The following TMEM43 variants were observed in gnomAD, a reference collection of about 807,000 sequenced individuals.
TMEM43 encodes the protein arrhythmogenic right ventricular dysplasia 5.
In TMEM43, 45 loss-of-function variants were observed where a neutral mutation model predicts 49.6. The observed-to-expected ratio is 0.91, with a 90% CI of 0.71 to 1.16. The LOEUF (loss-of-function observed/expected upper bound fraction) is 1.16. TMEM43 is among the 50% of genes most tolerant of loss of function. The probability of loss-of-function intolerance (pLI) is 0.00; values close to 1 mark genes in which losing one functional copy is unlikely to be tolerated. For missense variants in TMEM43, 532 were observed against 516.6 expected (o/e 1.03, Z -0.29); for synonymous variants, 199 against 207.8 (o/e 0.96, Z 0.36).
Position 14,134,785 on chromosome 3 carries a change from T to C in TMEM43, c.599T>C (p.Val200Ala), listed in dbSNP as rs2124990795. 3 of 1,614,104 alleles carry C rather than the reference T, an allele frequency of 1.9e-6. No individual in the cohort carries two copies. The highest frequency in any genetic ancestry group is 2.5e-6 in the Non-Finnish European group (3 of 1,179,986). Reference sequence around the variant, plus strand: ...GTCCCCTCAGGCCTCATCGACAAAGTCGACAACTTCAAGTCCCTGAGCCTA... The same window carrying C: ...GTCCCCTCAGGCCTCATCGACAAAGCCGACAACTTCAAGTCCCTGAGCCTA... ...FFLSSGLIDK[V>A]DNFKSLSLSK... The change falls in exon 8 of 12, where the codon GTC becomes GCC. Residue 200 changes from valine (V) to alanine (A), a missense_variant. Transcript: ENST00000306077.
Position 14,135,750 on chromosome 3 carries a change from C to T in TMEM43, c.781-57C>T, listed in dbSNP as rs1010198573. 92 of 1,493,736 alleles carry T rather than the reference C, an allele frequency of 6.2e-5. 1 individual carries two copies. The African/African-American group carries it at 1.2e-3, about 19-fold the overall frequency. The allele number at this position is 1,493,736 out of a possible 1,614,324, so 92.5% of individuals were successfully genotyped here. ...TCCCGGGAGGGTGGGCCATGGCTCT[C>T]GTGGGCGTGTCTCCCGCTGGTCACC... On this transcript the variant is annotated intron_variant, in intron 9 of 11. Transcript: ENST00000306077.
rs36083134 is a variant in TMEM43 at position 14,141,688 on chromosome 3, G to A, written c.1096G>A (p.Ala366Thr). 1,678 of 1,614,190 alleles carry A rather than the reference G, an allele frequency of 1.0e-3. 19 individuals are homozygous for A. In the African/African-American group the frequency reaches 0.019, roughly 18 times the overall value. ...ATSLTLLTVAAGWLFYRPLWA... is the reference protein window; with the variant it reads ...ATSLTLLTVATGWLFYRPLWA... ...CTCGCTGACCCTGCTGACCGTGGCG[G>A]CTGGCTGGCTCTTCTACCGACCCCT... The change falls in exon 12 of 12, where the codon GCT becomes ACT. Residue 366 changes from alanine (A) to threonine (T), a missense_variant. By Grantham distance (58) the Ala-to-Thr change is moderately conservative. Coordinates refer to ENST00000306077, the MANE Select transcript of TMEM43 (RefSeq NM_024334.3).
rs182607735 is a variant in TMEM43 at position 14,141,083 on chromosome 3, A to G, written c.1001-510A>G. On this transcript the variant is annotated intron_variant, in intron 11 of 11. Transcript: ENST00000306077. ...CTGTGAGATTCTTGAGGAGAGGCCA[A>G]TGCTTAGGCTAATTTATTTCCTCTA... is the stretch of plus-strand genomic sequence containing the variant. Among the ~76,000 whole-genome samples, 959 of 152,326 alleles carry G rather than the reference A, an allele frequency of 6.3e-3. 9 individuals are homozygous for G. Among genetic ancestry groups the G allele is most frequent in the African/African-American group, 0.017 (690 of 41,568 alleles).
At position 14,141,950 on chromosome 3, in the gene TMEM43, C is replaced by T; in HGVS notation, c.*155C>T. The T allele has an allele frequency of 1.4e-6, 1 of 719,084 alleles. No individual in the cohort carries two copies. The highest frequency in any genetic ancestry group is 2.3e-6 in the Non-Finnish European group (1 of 441,686). 44.5% of individuals were successfully genotyped at this position (719,084 alleles called of 1,614,324 possible). ...GGGGCCAGACTTGGCAGCATGTGCA[C>T]CAGGTTGGTGTTCACCAGCTCATGT... On this transcript the variant is annotated 3_prime_UTR_variant, in exon 12 of 12. Transcript: ENST00000306077.
rs530803753 is a variant in TMEM43 at position 14,133,520 on chromosome 3, G to A, written c.513-219G>A. Among the ~76,000 whole-genome samples the A allele has an allele frequency of 2.0e-5, 3 of 152,306 alleles. No individual in the cohort carries two copies. In the East Asian group the frequency reaches 5.8e-4, roughly 29 times the overall value. On this transcript the variant is annotated intron_variant, in intron 6 of 11. Coordinates refer to ENST00000306077, the MANE Select transcript of TMEM43 (RefSeq NM_024334.3). ...TGGCAGGGGTCTAGGCAAGAGGGTA[G>A]GAAGCTCCGGGGAACAGGAGACAGA...
Position 14,141,891 on chromosome 3 carries a change from T to A in TMEM43, c.*96T>A. ...CTCCATGCCAGAGCAGGAGCCCCGG[T>A]CAATTTTGGACTCTGCACTCCCTCT... On this transcript the variant is annotated 3_prime_UTR_variant, in exon 12 of 12. Transcript: ENST00000306077. 1 of 1,336,624 alleles carries A rather than the reference T, an allele frequency of 7.5e-7. No homozygotes were observed. The highest frequency in any genetic ancestry group is 1.0e-6 in the Non-Finnish European group (1 of 975,976). 82.8% of individuals were successfully genotyped at this position (1,336,624 alleles called of 1,614,324 possible).
At chr3:14,129,628 AACC>A (rs1559360099) in intron 2 of TMEM43, 67 bp downstream of exon 2, 3 of 1,578,954 alleles carry the variant, frequency 1.9e-6, no homozygotes, top group Non-Finnish European at 8.7e-7. Flanking sequence ...AAAGGCGATG[AACC>A]CGGAGGCTGG....
intron 7 of TMEM43, 98 bp downstream of exon 7, chr3:14,133,907 C>T (rs1209402458): frequency 9.2e-7 from 1 of 1,082,038 alleles, no homozygotes; most frequent in Non-Finnish European, 1.4e-6. Context: ...GCTAAAGGCA[C>T]AGGATCAGTC....
At chr3:14,130,682 C>A (rs924870443) in intron 2 of TMEM43, 140 bp from the exon 3 acceptor site, 1 of 1,119,050 alleles carries the variant, frequency 8.9e-7, no homozygotes, top group Non-Finnish European at 1.3e-6. Flanking sequence ...ACTTGCTAGA[C>A]CTCAGTTTTC....
At chr3:14,137,484 G>C (rs1171358940) in intron 10 of TMEM43, among the ~76,000 whole-genome samples, 1 of 152,158 alleles carries the variant, frequency 6.6e-6, no homozygotes, top group Non-Finnish European at 1.5e-5. Context: ...GTCTCCTGCT[G>C]CTTAGCAGCC....
rs147218873 is a variant in TMEM43, at chr3:14,139,658, C to A, written c.1000+361C>A. On this transcript the variant is annotated intron_variant, in intron 11 of 11. Transcript: ENST00000306077. The stretch of plus-strand genomic sequence containing the variant: ...GCATTTGAAATCTGTCACGTCCAAG[C>A]TCTGGATGCTTGGCCGTTCCCTTCC... 1.0e-3 allele frequency among the ~76,000 whole-genome samples: 152 copies of A among 152,336 alleles called. 1 individual carries two copies. Among genetic ancestry groups the A allele is most frequent in the African/African-American group, 3.5e-3 (146 of 41,568 alleles).
chr3:14,138,543 A>C (rs1695205705), intron 10 of TMEM43, among the ~76,000 whole-genome samples: 2 of 152,244 alleles, frequency 1.3e-5, no homozygotes, highest in South Asian at 2.1e-4. Context: ...TCAGCACTAG[A>C]CAGGCTGAGA....
rs549932205 is a variant in TMEM43, at chr3:14,136,159, C to T, written c.882+251C>T. 3.6e-4 allele frequency among the ~76,000 whole-genome samples: 55 copies of T among 152,316 alleles called. No homozygotes were observed. The South Asian group carries it at 6.0e-3, about 17-fold the overall frequency. On this transcript the variant is annotated intron_variant, in intron 10 of 11. Coordinates refer to ENST00000306077, the MANE Select transcript of TMEM43 (RefSeq NM_024334.3). ...CTTGGGGATGAGAACCAAGTCTAAA[C>T]ACAGAATCTATTTATGTTTCATGTA...
chr3:14,129,624 G>A (rs1258773628), intron 2 of TMEM43, 63 bp downstream of exon 2: 15 of 1,582,958 alleles, frequency 9.5e-6, no homozygotes, highest in Middle Eastern at 1.7e-4. Flanking sequence ...GAGCAAAGGC[G>A]ATGAACCCGG....
At chr3:14,138,211 C>T (rs574562665) in intron 10 of TMEM43, among the ~76,000 whole-genome samples, 2 of 152,260 alleles carry the variant, frequency 1.3e-5, no homozygotes, top group South Asian at 2.1e-4. Context: ...TCGTTGTAGG[C>T]AGAGCAAACC....
rs756575126 is a variant in TMEM43 at position 14,129,416 on chromosome 3, C to G, written c.17C>G (p.Ser6Cys). The G allele has an allele frequency of 1.2e-6, 2 of 1,611,308 alleles. No individual in the cohort carries two copies. Among genetic ancestry groups the G allele is most frequent in the Non-Finnish European group, 8.5e-7 (1 of 1,178,812 alleles). Residue 6 changes from serine to cysteine, a missense_variant, in exon 2 of 12, where the codon TCC becomes TGC. Coordinates refer to ENST00000306077, the MANE Select transcript of TMEM43 (RefSeq NM_024334.3). ...TTACTGTTTCTTTTTCTTCAGTATT[C>G]CAGTACCAGTACCCGGAGAGAACAT... MAANY[S>C]STSTRREHVK...
rs1695255520 is a variant in TMEM43, at chr3:14,141,989, C to T, written c.*194C>T. The T allele has an allele frequency of 4.9e-6, 3 of 609,366 alleles. No homozygotes were observed. The highest frequency in any genetic ancestry group is 2.0e-5 in the South Asian group (1 of 49,838). 37.7% of individuals were successfully genotyped at this position (609,366 alleles called of 1,614,324 possible). On this transcript the variant is annotated 3_prime_UTR_variant, in exon 12 of 12. Coordinates refer to ENST00000306077, the MANE Select transcript of TMEM43 (RefSeq NM_024334.3). ...ACCAGCTCATGTCTTCCCCACATCT[C>T]TTCTTGCCAGTAAGCAGCTTTGGTG... is the stretch of plus-strand genomic sequence containing the variant.
chr3:14,134,645 A>C, intron 7 of TMEM43, 125 bp from the exon 8 acceptor site: 1 of 1,272,898 alleles, frequency 7.9e-7, no homozygotes, highest in Non-Finnish European at 1.1e-6. Context: ...AGAAAGAGGC[A>C]CTGCAGGTGG....
At chr3:14,127,260 G>A (rs1695033573) in intron 1 of TMEM43, among the ~76,000 whole-genome samples, 1 of 152,122 alleles carries the variant, frequency 6.6e-6, no homozygotes, top group South Asian at 2.1e-4. Flanking sequence ...CAGAATGTGG[G>A]CTGGGTTTGT....
Sources: allele counts gnomAD v4.1 joint callset (sites outside exome capture counted in the v4.1 genomes callset), GRCh38; gene constraint gnomAD v4.1.1; transcripts MANE v1.5; gene names NCBI Gene and HGNC (gene_info 2026-07-23, HGNC 2026-07-21).